The following SPAG16 variants were observed in gnomAD, a reference collection of about 807,000 sequenced individuals.
SPAG16 encodes sperm-associated antigen 16 protein.
Under a neutral mutation model 80.4 loss-of-function variants are expected in SPAG16, and 86 were observed. The observed-to-expected ratio is 1.07, with a 90% confidence interval of 0.90 to 1.28. The LOEUF is 1.28. Ranked by LOEUF, SPAG16 falls within the 50% of genes most tolerant of loss-of-function variation. The pLI, the probability that SPAG16 is intolerant of heterozygous loss-of-function variation, is 0.00. For missense variants in SPAG16, 870 were observed against 765.3 expected (o/e 1.14, Z -1.61); for synonymous variants, 294 against 265.9 (o/e 1.11, Z -1.03).
chr2:213,530,759 C>T (rs951207114), intron 10 of SPAG16, among the ~76,000 whole-genome samples: 4 of 152,044 alleles, frequency 2.6e-5, no homozygotes, highest in African/African-American at 7.2e-5. Flanking sequence ...TCTCTGTTCT[C>T]TACAATTCCT....
intron 12 of SPAG16, among the ~76,000 whole-genome samples, chr2:213,970,125 A>G (rs1202362609): frequency 3.3e-5 from 5 of 152,042 alleles, no homozygotes; most frequent in Non-Finnish European, 7.4e-5. Flanking sequence ...TACTAATCTC[A>G]TTCAGGGTTT....
chr2:213,308,799 TAA>T (rs1200538461), intron 3 of SPAG16, among the ~76,000 whole-genome samples: 1 of 152,144 alleles, frequency 6.6e-6, no homozygotes, highest in Non-Finnish European at 1.5e-5. Context: ...TGAAGACATT[TAA>T]TCTATAATTG....
intron 12 of SPAG16, among the ~76,000 whole-genome samples, chr2:213,942,960 T>A (rs1030256550): frequency 6.6e-6 from 1 of 152,146 alleles, no homozygotes; most frequent in Non-Finnish European, 1.5e-5. Context: ...ATTAGTGCCC[T>A]TATATAGGAA....
At chr2:214,332,149 G>T (rs1696961003) in intron 15 of SPAG16, among the ~76,000 whole-genome samples, 1 of 152,160 alleles carries the variant, frequency 6.6e-6, no homozygotes, top group Non-Finnish European at 1.5e-5. Context: ...CTAGTTGGGA[G>T]GCTGAAGCAC....
At chr2:213,502,540 A>G (rs1575767075) in intron 10 of SPAG16, among the ~76,000 whole-genome samples, 1 of 152,226 alleles carries the variant, frequency 6.6e-6, no homozygotes. Context: ...ATAATAGGCT[A>G]AATAAAAATG....
chr2:213,356,250 T>C (rs2065643678), intron 7 of SPAG16, among the ~76,000 whole-genome samples: 1 of 152,230 alleles, frequency 6.6e-6, no homozygotes, highest in Non-Finnish European at 1.5e-5. Context: ...ATCAGGATGA[T>C]GCTGGCCTCA....
At chr2:213,751,987 C>A (rs1172433070) in intron 10 of SPAG16, among the ~76,000 whole-genome samples, 1 of 151,982 alleles carries the variant, frequency 6.6e-6, no homozygotes, top group Admixed American at 6.6e-5. Context: ...TAAACTAAAC[C>A]GAAAAAGTAA....
intron 12 of SPAG16, among the ~76,000 whole-genome samples, chr2:213,976,119 T>G (rs181888716): frequency 0.041 from 4,004 of 98,446 alleles, 112 homozygotes; most frequent in South Asian, 0.054. Flanking sequence ...GATATATATA[T>G]ATATATATAT....
chr2:214,131,246 G>A (rs2054753563), intron 14 of SPAG16, among the ~76,000 whole-genome samples: 1 of 151,992 alleles, frequency 6.6e-6, no homozygotes, highest in South Asian at 2.1e-4. Flanking sequence ...GCATGCACCT[G>A]TGGTCCTAGT....
chr2:213,457,569 A>G (rs2072098031), intron 9 of SPAG16, among the ~76,000 whole-genome samples: 1 of 152,168 alleles, frequency 6.6e-6, no homozygotes, highest in Non-Finnish European at 1.5e-5. Flanking sequence ...TTTTAACATC[A>G]TGGGTGTCCC....
chr2:214,352,556 C>CTGTGTGTTTGTGTG (rs71409878), intron 15 of SPAG16, among the ~76,000 whole-genome samples: 4 of 96,074 alleles, frequency 4.2e-5, no homozygotes, highest in Non-Finnish European at 7.8e-5. Context: ...GACTTTTTTT[C>CTGTGTGTTTGTGTG]TCTGTGTGTG....
chr2:213,841,642 T>C (rs909709918), intron 10 of SPAG16, among the ~76,000 whole-genome samples: 3 of 152,166 alleles, frequency 2.0e-5, no homozygotes, highest in Admixed American at 1.3e-4. Flanking sequence ...GTTAGGTTAA[T>C]GTAGTACAAT....
intron 10 of SPAG16, among the ~76,000 whole-genome samples, chr2:213,648,586 G>A (rs1415230765): frequency 1.5e-5 from 2 of 133,126 alleles, no homozygotes; most frequent in East Asian, 4.3e-4. Context: ...CTTGGTGTAG[G>A]CACACACAGA....
At position 213,491,455 on chromosome 2, in the gene SPAG16, C is replaced by T. The variant is rs116756466; in HGVS notation, c.1070+1365C>T. On this transcript the variant is annotated intron_variant, in intron 10 of 15. Transcript: ENST00000331683. ...AATTCTGTTTATCCTTCTCATATTTCATCACCATAACTAATGTTTATACTA... is the reference window on the plus strand; with the variant it reads ...AATTCTGTTTATCCTTCTCATATTTTATCACCATAACTAATGTTTATACTA... 6.5e-3 allele frequency among the ~76,000 whole-genome samples: 996 copies of T among 152,290 alleles called. 9 individuals are homozygous for T. The highest frequency in any genetic ancestry group is 8.5e-3 in the Non-Finnish European group (575 of 68,022).
intron 13 of SPAG16, among the ~76,000 whole-genome samples, chr2:214,023,920 CTA>C (rs1272368258): frequency 4.0e-5 from 6 of 151,456 alleles, no homozygotes; most frequent in African/African-American, 1.5e-4. Flanking sequence ...ATTATAATGA[CTA>C]TGTCCATTGA....
At chr2:213,472,709 C>A (rs2073149062) in intron 9 of SPAG16, among the ~76,000 whole-genome samples, 1 of 152,072 alleles carries the variant, frequency 6.6e-6, no homozygotes, top group African/African-American at 2.4e-5. Flanking sequence ...TCACAGGATG[C>A]ACCACAATTC....
At chr2:213,674,065 G>T (rs2125231671) in intron 10 of SPAG16, among the ~76,000 whole-genome samples, 1 of 152,150 alleles carries the variant, frequency 6.6e-6, no homozygotes, top group African/African-American at 2.4e-5. Context: ...AGAAATATAT[G>T]TTGTCTTTTC....
intron 15 of SPAG16, among the ~76,000 whole-genome samples, chr2:214,297,227 A>G (rs1167876842): frequency 6.6e-6 from 1 of 152,146 alleles, no homozygotes; most frequent in Admixed American, 6.5e-5. Flanking sequence ...TGTCGGAGTC[A>G]TAATTTGCAA....
chr2:214,370,481 A>T (rs919951375), intron 15 of SPAG16, among the ~76,000 whole-genome samples: 14 of 152,176 alleles, frequency 9.2e-5, no homozygotes, highest in African/African-American at 3.4e-4. Context: ...ATGGTGTACA[A>T]TGTGATGTCT....
Sources: gnomAD v4.1 joint callset for allele counts (sites outside exome capture counted in the v4.1 genomes callset) on GRCh38, gnomAD v4.1.1 for gene constraint, MANE v1.5 for transcripts, NCBI Gene and HGNC (gene_info 2026-07-23, HGNC 2026-07-21) for gene names.